POT1: variants seen among roughly 807,000 people sequenced by gnomAD.
POT1 encodes the protein protection of telomeres protein 1.
Under a neutral mutation model 78.5 loss-of-function variants are expected in POT1, and 47 were observed. The ratio of observed to expected loss-of-function variants is 0.60; its 90% CI spans 0.47 to 0.76. The LOEUF (loss-of-function observed/expected upper bound fraction) is 0.76. POT1 is among the 30% of genes least tolerant of loss of function. POT1 has a pLI of 0.00. For synonymous variants in POT1, 259 were observed against 260.7 expected, an observed-to-expected ratio of 0.99 and a Z score of 0.06; for missense variants, 646 against 749.9, an observed-to-expected ratio of 0.86 and a Z score of 1.62.
rs544338385 is a variant in POT1 at position 124,912,334 on chromosome 7, A to C, written c.-154+3240T>G. Among the ~76,000 whole-genome samples, 7 of 152,164 alleles carry C rather than the reference A, an allele frequency of 4.6e-5. No individual in the cohort carries two copies. In the South Asian group the frequency reaches 1.5e-3, roughly 32 times the overall value. On this transcript the variant is annotated intron_variant, in intron 3 of 18. Transcript: ENST00000357628. The stretch of plus-strand genomic sequence containing the variant: ...TAGATACCCTGAGCCTCTCCTTGAC[A>C]TAAATGAAACATACACTCACACTGC...
chr7:124,834,905 T>C (rs1463440501), intron 15 of POT1, among the ~76,000 whole-genome samples: 4 of 152,180 alleles, frequency 2.6e-5, no homozygotes, highest in Non-Finnish European at 4.4e-5. Flanking sequence ...CATGGAATAC[T>C]ATGCAGCCAA....
chr7:124,872,068 A>C (rs1319514893), intron 6 of POT1, among the ~76,000 whole-genome samples: 2 of 151,918 alleles, frequency 1.3e-5, no homozygotes, highest in African/African-American at 4.8e-5. Context: ...TCTACTCTCT[A>C]CTTCTATAAG....
intron 9 of POT1, among the ~76,000 whole-genome samples, chr7:124,858,490 TATA>T (rs888022143): frequency 1.4e-4 from 21 of 152,082 alleles, no homozygotes; most frequent in East Asian, 3.9e-4. Flanking sequence ...ACACCCAATT[TATA>T]ATATTATAAA....
intron 7 of POT1, among the ~76,000 whole-genome samples, chr7:124,867,795 C>T (rs12534983): frequency 0.32 from 48,446 of 151,752 alleles, 7,758 homozygotes; most frequent in South Asian, 0.4. Context: ...CTACAAGCAC[C>T]CACCACCACA....
chr7:124,857,232 A>G (rs1321015425), intron 9 of POT1, among the ~76,000 whole-genome samples: 1 of 152,218 alleles, frequency 6.6e-6, no homozygotes. Flanking sequence ...TAAGTAGGCT[A>G]GAAGATATTT....
In POT1 at chr7:124,858,810, C is replaced by T. The variant is rs35482954; in HGVS notation, c.702+147G>A. On this transcript the variant is annotated intron_variant, in intron 9 of 18. Coordinates refer to ENST00000357628, the MANE Select transcript of POT1 (RefSeq NM_015450.3). ...TCTTTTAATAATTTATTGTAACATA[C>T]ATTTTACAACTTAAAAATCAAAGAA... is the stretch of plus-strand genomic sequence containing the variant. 4.9e-3 allele frequency: 2,356 copies of T among 482,612 alleles called. 51 individuals carry two copies. The highest frequency in any genetic ancestry group is 0.039 in the African/African-American group (1,957 of 50,300). 29.9% of individuals were successfully genotyped at this position (482,612 alleles called of 1,614,324 possible). A position where few individuals can be genotyped will look rare whatever the true frequency, so the allele number is the denominator to read the frequency against.
intron 6 of POT1, among the ~76,000 whole-genome samples, chr7:124,887,494 T>C (rs536765731): frequency 1.3e-5 from 2 of 152,056 alleles, no homozygotes; most frequent in Admixed American, 1.3e-4. Flanking sequence ...GACCAAAGAG[T>C]AGATTCCTAG....
intron 6 of POT1, among the ~76,000 whole-genome samples, chr7:124,881,184 T>C (rs558121164): frequency 1.0e-3 from 152 of 152,084 alleles, no homozygotes; most frequent in African/African-American, 3.5e-3. Flanking sequence ...TTTAAAGTTA[T>C]ATATATATTT....
At chr7:124,855,218 C>CAAA (rs550056711) in intron 9 of POT1, among the ~76,000 whole-genome samples, 66 of 52,488 alleles carry the variant, frequency 1.3e-3, no homozygotes, top group African/African-American at 3.3e-3. Flanking sequence ...GAGAGGAGAG[C>CAAA]AAAAAAAAAA....
intron 14 of POT1, among the ~76,000 whole-genome samples, chr7:124,838,480 T>C (rs1436016664): frequency 6.6e-6 from 1 of 152,206 alleles, no homozygotes; most frequent in Non-Finnish European, 1.5e-5. Flanking sequence ...AAGGTTTATC[T>C]GAGTAAAACT....
chr7:124,874,288 C>T (rs1795936735), intron 6 of POT1, among the ~76,000 whole-genome samples: 1 of 152,114 alleles, frequency 6.6e-6, no homozygotes, highest in Non-Finnish European at 1.5e-5. Context: ...AATCAATATG[C>T]CCTAACAAGT....
chr7:124,904,106 A>C (rs1203863943), intron 3 of POT1, among the ~76,000 whole-genome samples: 1 of 152,220 alleles, frequency 6.6e-6, no homozygotes, highest in African/African-American at 2.4e-5. Context: ...AGCTGGTACC[A>C]TTCCTTCTGA....
At chr7:124,899,840 A>AT (rs780057247) in intron 3 of POT1, among the ~76,000 whole-genome samples, 7 of 151,884 alleles carry the variant, frequency 4.6e-5, no homozygotes, top group Non-Finnish European at 8.8e-5. Flanking sequence ...ACAGATGACC[A>AT]TTTTTTTTCT....
rs547425025 is a variant in POT1 at position 124,885,736 on chromosome 7, A to G, written c.124+6530T>C. On this transcript the variant is annotated intron_variant, in intron 6 of 18. Transcript: ENST00000357628. ...AGCTAAGATCATGCCACTGCACTCC[A>G]GCCTGGGTGACAGAGCAAGACTCCG... 3.9e-5 allele frequency among the ~76,000 whole-genome samples: 6 copies of G among 152,148 alleles called. No homozygotes were observed. In the East Asian group the frequency reaches 1.2e-3, roughly 29 times the overall value.
chr7:124,879,865 A>C (rs1428346968), intron 6 of POT1, among the ~76,000 whole-genome samples: 1 of 151,902 alleles, frequency 6.6e-6, no homozygotes, highest in Admixed American at 6.6e-5. Flanking sequence ...AAATCCCACA[A>C]TACACAATAC....
At chr7:124,921,154 A>G (rs4146110) in intron 2 of POT1, among the ~76,000 whole-genome samples, 94,069 of 151,920 alleles carry the variant, frequency 0.62, 29,461 homozygotes, top group African/African-American at 0.71. Context: ...AATATAAGTA[A>G]GAACAAAAAT....
In POT1 at chr7:124,827,315, G is replaced by GA. The variant is rs762511146; in HGVS notation, c.1595-11dup. The GA allele has an allele frequency of 1.4e-5, 21 of 1,502,296 alleles. No individual in the cohort carries two copies. Among genetic ancestry groups the GA allele is most frequent in the South Asian group, 7.4e-5 (6 of 81,446 alleles). The allele number at this position is 1,502,296 out of a possible 1,614,324, so 93.1% of individuals were successfully genotyped here. A position where few individuals can be genotyped will look rare whatever the true frequency, so the allele number is the denominator to read the frequency against. On this transcript the variant is annotated splice_polypyrimidine_tract_variant and intron_variant, in intron 16 of 18. Coordinates refer to ENST00000357628, the MANE Select transcript of POT1 (RefSeq NM_015450.3). Reference sequence around the variant, plus strand: ...GGTACAATACCCAGTGCTAGTGAAGGAAAAAAAGATCAAACCATATGAGTC... The same window carrying GA: ...GGTACAATACCCAGTGCTAGTGAAGGAAAAAAAAGATCAAACCATATGAGTC...
At chr7:124,832,944 C>T (rs188116845) in intron 15 of POT1, among the ~76,000 whole-genome samples, 22 of 151,652 alleles carry the variant, frequency 1.5e-4, no homozygotes, top group African/African-American at 4.6e-4. Flanking sequence ...AGACGCGTCA[C>T]GGTGCCCAGT....
At chr7:124,869,045 T>G (rs1795801089) in intron 7 of POT1, among the ~76,000 whole-genome samples, 1 of 152,134 alleles carries the variant, frequency 6.6e-6, no homozygotes, top group African/African-American at 2.4e-5. Context: ...ACAAAAGAAG[T>G]GGCTGAATTA....
Sources: gnomAD v4.1 joint callset for allele counts (sites outside exome capture counted in the v4.1 genomes callset) on GRCh38, gnomAD v4.1.1 for gene constraint, MANE v1.5 for transcripts, NCBI Gene and HGNC (gene_info 2026-07-23, HGNC 2026-07-21) for gene names.